The following FCHO2 variants were observed in gnomAD, a reference collection of about 807,000 sequenced individuals.
FCHO2 encodes the protein FCH and mu domain containing endocytic adaptor 2.
A neutral mutation model predicts 114.1 loss-of-function variants in FCHO2; 43 were observed. The observed-to-expected ratio is 0.38, with a 90% CI of 0.30 to 0.49. The LOEUF is 0.49. FCHO2 is among the 20% of genes least tolerant of loss of function. The pLI, the probability that FCHO2 is intolerant of heterozygous loss-of-function variation, is 0.97. For missense variants in FCHO2, 807 were observed against 950.4 expected, an observed-to-expected ratio of 0.85 and a Z score of 1.98; for synonymous variants, 293 against 315.2, an observed-to-expected ratio of 0.93 and a Z score of 0.75.
At chr5:72,982,959 G>T (rs1229724852) in intron 2 of FCHO2, among the ~76,000 whole-genome samples, 1 of 151,464 alleles carries the variant, frequency 6.6e-6, no homozygotes. Flanking sequence ...TGTCGCCGAG[G>T]CTGGAGTGCA....
At chr5:72,987,725 T>G (rs1311410072) in intron 2 of FCHO2, among the ~76,000 whole-genome samples, 1 of 152,204 alleles carries the variant, frequency 6.6e-6, no homozygotes, top group Non-Finnish European at 1.5e-5. Context: ...TTAACTTTTT[T>G]GGGTGAACAA....
At chr5:73,087,903 G>C (rs1335761531) in intron 25 of FCHO2, 150 bp downstream of exon 25, 4 of 1,381,818 alleles carry the variant, frequency 2.9e-6, no homozygotes, top group Non-Finnish European at 4.0e-6. Context: ...AGACACACCT[G>C]GGAGAGAGTT....
chr5:73,053,449 A>C (rs1757426870), intron 13 of FCHO2, among the ~76,000 whole-genome samples: 1 of 152,226 alleles, frequency 6.6e-6, no homozygotes, highest in Non-Finnish European at 1.5e-5. Context: ...TAATCCCAGC[A>C]CTTTGGGAGG....
chr5:73,016,301 T>G lies in FCHO2; in HGVS notation c.699+577T>G, dbSNP rs186069339. Among the ~76,000 whole-genome samples the G allele has an allele frequency of 3.1e-3, 269 of 86,986 alleles. 1 individual carries two copies. Among genetic ancestry groups the G allele is most frequent in the African/African-American group, 5.5e-3 (85 of 15,550 alleles). The allele number at this position is 86,986 out of a possible 152,430, so 57.1% of individuals were successfully genotyped here. A position where few individuals can be genotyped will look rare whatever the true frequency, so the allele number is the denominator to read the frequency against. On this transcript the variant is annotated intron_variant, in intron 7 of 25. Transcript: ENST00000430046. ...TCATCTCTACACAAAATTTAAAAAATATTTTAAATTGTTTAAATATTAAAA... is the reference window on the plus strand; with the variant it reads ...TCATCTCTACACAAAATTTAAAAAAGATTTTAAATTGTTTAAATATTAAAA...
chr5:73,078,109 C>A, intron 21 of FCHO2, 71 bp from the exon 22 acceptor site: 1 of 1,233,332 alleles, frequency 8.1e-7, no homozygotes, highest in South Asian at 2.2e-5. Context: ...CCTGTGTCAC[C>A]AAATTACTAC....
chr5:73,006,471 A>G lies in FCHO2; in HGVS notation c.522A>G (p.Thr174=). The stretch of plus-strand genomic sequence containing the variant: ...CAGCTGTTAAATCTAAGAAAGCTAC[A>G]GATACCTATAAACTCTATGTGGAAA... ...EKAAVKSKKA[T]DTYKLYVEKY... is the part of the protein sequence containing the mutation. Residue 174 remains threonine, a synonymous_variant, in exon 6 of 26, where the codon ACA becomes ACG. Transcript: ENST00000430046. 1 of 1,552,020 alleles carries G rather than the reference A, an allele frequency of 6.4e-7. No individual in the cohort carries two copies. The highest frequency in any genetic ancestry group is 8.6e-7 in the Non-Finnish European group (1 of 1,156,944).
At chr5:73,029,193 G>A (rs748025279) in intron 8 of FCHO2, among the ~76,000 whole-genome samples, 4 of 152,214 alleles carry the variant, frequency 2.6e-5, no homozygotes, top group Non-Finnish European at 5.9e-5. Flanking sequence ...AAAAGGAGTT[G>A]GGAAGAATCA....
chr5:73,061,850 C>A (rs182488439), intron 17 of FCHO2, among the ~76,000 whole-genome samples: 1 of 152,180 alleles, frequency 6.6e-6, no homozygotes, highest in East Asian at 1.9e-4. Flanking sequence ...ATCACAGTGA[C>A]CTTTGCCTAA....
intron 5 of FCHO2, among the ~76,000 whole-genome samples, chr5:72,994,200 A>G (rs1753958583): frequency 6.6e-6 from 1 of 152,340 alleles, no homozygotes; most frequent in Non-Finnish European, 1.5e-5. Context: ...TAAATAGACA[A>G]CCTGTAGAAT....
intron 16 of FCHO2, among the ~76,000 whole-genome samples, chr5:73,057,176 T>G (rs1374125560): frequency 6.6e-6 from 1 of 152,016 alleles, no homozygotes; most frequent in East Asian, 1.9e-4. Flanking sequence ...CTCAGACTCC[T>G]GAGCCTCTCA....
intron 15 of FCHO2, among the ~76,000 whole-genome samples, chr5:73,055,451 T>C (rs1757547534): frequency 6.6e-6 from 1 of 152,182 alleles, no homozygotes; most frequent in South Asian, 2.1e-4. Flanking sequence ...AAAGAAAACA[T>C]GAAGGTGCAG....
chr5:73,007,596 T>C (rs149254697), intron 6 of FCHO2, among the ~76,000 whole-genome samples: 1 of 152,318 alleles, frequency 6.6e-6, no homozygotes, highest in East Asian at 1.9e-4. Flanking sequence ...GAACAGCTCA[T>C]ATCTTAGAAA....
chr5:72,995,035 C>T (rs370618909), intron 5 of FCHO2, among the ~76,000 whole-genome samples: 9 of 152,006 alleles, frequency 5.9e-5, no homozygotes, highest in African/African-American at 1.9e-4. Flanking sequence ...ACCTGGATGA[C>T]GCATAAGCTG....
chr5:73,040,719 A>G (rs1756762041), intron 10 of FCHO2, among the ~76,000 whole-genome samples: 1 of 152,232 alleles, frequency 6.6e-6, no homozygotes, highest in African/African-American at 2.4e-5. Flanking sequence ...AAGTCTACTC[A>G]GTATATTTGG....
At chr5:73,066,410 C>T (rs1419890459) in intron 18 of FCHO2, among the ~76,000 whole-genome samples, 2 of 151,554 alleles carry the variant, frequency 1.3e-5, no homozygotes, top group Non-Finnish European at 2.9e-5. Context: ...AATGACTGTC[C>T]TTATGGTTTC....
At chr5:72,980,523 CCTGT>C (rs1259018865) in intron 2 of FCHO2, among the ~76,000 whole-genome samples, 1 of 152,016 alleles carries the variant, frequency 6.6e-6, no homozygotes, top group African/African-American at 2.4e-5. Flanking sequence ...CTCTTGTTTA[CCTGT>C]CTAATATTGA....
chr5:73,067,170 C>A lies in FCHO2; in HGVS notation c.1450-1480C>A, dbSNP rs116199413. Among the ~76,000 whole-genome samples, 678 of 152,004 alleles carry A rather than the reference C, an allele frequency of 4.5e-3. 3 individuals carry two copies. Among genetic ancestry groups the A allele is most frequent in the African/African-American group, 0.016 (645 of 41,504 alleles). ...GGCCACTGTAGTAGATAGCATAATT[C>A]TAAAATTAGAGAAAACCACTTGAGA... On this transcript the variant is annotated intron_variant, in intron 18 of 25. Coordinates refer to ENST00000430046, the MANE Select transcript of FCHO2 (RefSeq NM_138782.3).
intron 17 of FCHO2, among the ~76,000 whole-genome samples, chr5:73,060,420 A>C (rs947225388): frequency 2.6e-5 from 4 of 152,100 alleles, no homozygotes; most frequent in African/African-American, 9.7e-5. Flanking sequence ...AAACTAATTA[A>C]TTCATAATTG....
intron 5 of FCHO2, chr5:72,997,055 C>T: frequency 7.6e-7 from 1 of 1,307,770 alleles, no homozygotes; most frequent in Admixed American, 1.7e-5. Flanking sequence ...TGATATCATC[C>T]CCTTATCTTC....
Sources: gnomAD v4.1 joint callset for allele counts (sites outside exome capture counted in the v4.1 genomes callset) on GRCh38, gnomAD v4.1.1 for gene constraint, MANE v1.5 for transcripts, NCBI Gene and HGNC (gene_info 2026-07-23, HGNC 2026-07-21) for gene names.